Variants in TENM1 observed in about 807,000 individuals in gnomAD.
The protein encoded by TENM1 is teneurin-1.
A neutral mutation model predicts 174.8 loss-of-function variants in TENM1; 35 were observed. The observed-to-expected ratio is 0.20, with a 90% CI of 0.15 to 0.27. TENM1 has a LOEUF of 0.27. Among genes scored for constraint, TENM1 ranks in the 10% least tolerant of loss-of-function variants. The probability of loss-of-function intolerance (pLI) is 1.00; values close to 1 mark genes in which losing one functional copy is unlikely to be tolerated. For synonymous variants in TENM1, 781 were observed against 798.7 expected, an observed-to-expected ratio of 0.98 and a Z score of 0.37; for missense variants, 1,633 against 2,130.1, an observed-to-expected ratio of 0.77 and a Z score of 4.59.
At chrX:124,520,704 G>C in exon 18 of TENM1, 3 of 1,210,289 alleles carry the variant, frequency 2.5e-6, no homozygotes, top group Non-Finnish European at 3.4e-6. Flanking sequence ...TCCGTAGCAG[G>C]GTTTTATACC....
chrX:124,893,162 T>C (rs1488242983), intron 3 of TENM1, among the ~76,000 whole-genome samples: 3 of 112,343 alleles, frequency 2.7e-5, no homozygotes, highest in Non-Finnish European at 5.6e-5. Flanking sequence ...AATCTTACCA[T>C]AGGTGATAAA....
intron 11 of TENM1, among the ~76,000 whole-genome samples, chrX:124,615,571 C>T (rs1479006038): frequency 1.8e-5 from 2 of 112,182 alleles, no homozygotes; most frequent in Middle Eastern, 4.6e-3. Flanking sequence ...AAACATCTTA[C>T]AAAAAGTAAC....
chrX:124,999,633 G>A, the TENM1 span, among the ~76,000 whole-genome samples: 1 of 110,836 alleles, frequency 9.0e-6, no homozygotes, highest in African/African-American at 3.3e-5. Context: ...ATGGGGAGGG[G>A]GTTGCTAAGT....
intron 3 of TENM1, among the ~76,000 whole-genome samples, chrX:124,741,855 A>G (rs973232313): frequency 1.8e-5 from 2 of 112,323 alleles, no homozygotes; most frequent in South Asian, 3.7e-4. Flanking sequence ...AGTTTTCTGC[A>G]TTCATCTAGT....
intron 5 of TENM1, among the ~76,000 whole-genome samples, chrX:124,672,260 A>G (rs2051943065): frequency 1.8e-5 from 2 of 111,801 alleles, no homozygotes; most frequent in East Asian, 5.6e-4. Context: ...AATTCAATTC[A>G]GTTCAGCAAA....
At chrX:124,988,891 T>C in the TENM1 span, among the ~76,000 whole-genome samples, 1 of 111,377 alleles carries the variant, frequency 9.0e-6, no homozygotes, top group Admixed American at 9.5e-5. Context: ...TTCAGCTACC[T>C]GGGAAAAAAA....
the TENM1 span, among the ~76,000 whole-genome samples, chrX:125,127,848 A>C: frequency 1.8e-5 from 2 of 111,097 alleles, no homozygotes; most frequent in Non-Finnish European, 3.8e-5. Flanking sequence ...TTAAATTCTA[A>C]GATGACTTTA....
chrX:124,515,841 A>G (rs1162334258), intron 18 of TENM1, among the ~76,000 whole-genome samples: 2 of 110,277 alleles, frequency 1.8e-5, no homozygotes, highest in East Asian at 5.7e-4. Flanking sequence ...TTAGAAAAAA[A>G]AAAACCTCTA....
the TENM1 span, among the ~76,000 whole-genome samples, chrX:125,123,833 G>T: frequency 8.9e-6 from 1 of 112,365 alleles, no homozygotes; most frequent in Admixed American, 9.4e-5. Flanking sequence ...TTACCTTGAT[G>T]AACAGTACTA....
the TENM1 span, among the ~76,000 whole-genome samples, chrX:125,180,358 C>A: frequency 1.0e-5 from 1 of 100,449 alleles, no homozygotes. Flanking sequence ...CGTGAGCCAC[C>A]GTGCTTGGCT....
chrX:124,971,291 T>TA, the TENM1 span, among the ~76,000 whole-genome samples: 3 of 110,530 alleles, frequency 2.7e-5, no homozygotes, highest in Non-Finnish European at 3.8e-5. Flanking sequence ...ATAATAATAA[T>TA]AAAAAAAAGT....
chrX:124,653,629 C>G, exon 7 of TENM1: 1 of 1,210,865 alleles, frequency 8.3e-7, no homozygotes, highest in East Asian at 3.0e-5. Context: ...AAATTCCCAG[C>G]AGAGAGTCCT....
At chrX:125,110,990 G>A in the TENM1 span, among the ~76,000 whole-genome samples, 340 of 112,041 alleles carry the variant, frequency 3.0e-3, no homozygotes, top group African/African-American at 0.01. Context: ...TTGTTCACTG[G>A]TATATTCTAA....
Position 124,441,122 on chromosome X carries a change from T to C in TENM1, c.4104+12215A>G, listed in dbSNP as rs150023758. 3.6e-3 allele frequency among the ~76,000 whole-genome samples: 399 copies of C among 112,123 alleles called. 1 individual carries two copies. Among genetic ancestry groups the C allele is most frequent in the African/African-American group, 0.012 (358 of 30,897 alleles). ...TTACATGTTTTTATCCCACTTTTTA[T>C]TGGTGGAGAAACTCAGGCTCAGAGA... On this transcript the variant is annotated intron_variant, in intron 23 of 31. Transcript: ENST00000422452.
chrX:124,920,937 C>T (rs765874610), intron 1 of TENM1, among the ~76,000 whole-genome samples: 167 of 105,474 alleles, frequency 1.6e-3, no homozygotes, highest in Non-Finnish European at 2.7e-3. Flanking sequence ...TTTTTTTTTC[C>T]TTTATGGGTT....
At chrX:124,549,061 GTTTC>G (rs2048498232) in intron 14 of TENM1, among the ~76,000 whole-genome samples, 1 of 111,623 alleles carries the variant, frequency 9.0e-6, no homozygotes, top group Admixed American at 9.5e-5. Flanking sequence ...TCAATAAGAA[GTTTC>G]TTTCTGCTTC....
At chrX:124,998,794 T>C in the TENM1 span, among the ~76,000 whole-genome samples, 65 of 111,547 alleles carry the variant, frequency 5.8e-4, no homozygotes, top group African/African-American at 2.1e-3. Flanking sequence ...CTGTTAACAG[T>C]ATAGACAAAT....
the TENM1 span, among the ~76,000 whole-genome samples, chrX:125,121,386 T>C: frequency 8.9e-6 from 1 of 112,196 alleles, no homozygotes; most frequent in Admixed American, 9.5e-5. Context: ...TTTATGTTGT[T>C]GGCTGAATGG....
At chrX:124,393,608 T>C (rs1238117003) in intron 27 of TENM1, among the ~76,000 whole-genome samples, 1 of 111,852 alleles carries the variant, frequency 8.9e-6, no homozygotes, top group Non-Finnish European at 1.9e-5. Flanking sequence ...GTTTTAGTTT[T>C]AGTGGGTTTT....
Sources: allele counts gnomAD v4.1 joint callset (sites outside exome capture counted in the v4.1 genomes callset), GRCh38; gene constraint gnomAD v4.1.1; transcripts MANE v1.5; gene names NCBI Gene and HGNC (gene_info 2026-07-23, HGNC 2026-07-21).